The following EZH2 variants were observed in gnomAD, a reference collection of about 807,000 sequenced individuals.
The protein encoded by EZH2 is enhancer of zeste 2 polycomb repressive complex 2 subunit, also known as histone-lysine N-methyltransferase EZH2.
In EZH2, 18 loss-of-function variants were observed where a neutral mutation model predicts 98.4. That is an observed-to-expected ratio of 0.18 (90% CI 0.13 to 0.27). The LOEUF (loss-of-function observed/expected upper bound fraction) is 0.27. Ranked by LOEUF, EZH2 falls within the 10% of genes least tolerant of loss-of-function variation. The pLI is 1.00. For missense variants in EZH2, 470 were observed against 935.1 expected (o/e 0.50, Z 6.49); for synonymous variants, 338 against 312.3 (o/e 1.08, Z -0.87).
intron 1 of EZH2, among the ~76,000 whole-genome samples, chr7:148,862,331 T>G (rs753553912): frequency 6.6e-6 from 1 of 152,226 alleles, no homozygotes; most frequent in African/African-American, 2.4e-5. Flanking sequence ...TTTCCAGAAG[T>G]TGGCATATTT....
At chr7:148,866,689 TATATATACATATATGC>T (rs1563064047) in intron 1 of EZH2, among the ~76,000 whole-genome samples, 1 of 144,138 alleles carries the variant, frequency 6.9e-6, no homozygotes, top group Non-Finnish European at 1.5e-5. Flanking sequence ...TATATGCATA[TATATATACATATATGC>T]ATATATATAT....
intron 1 of EZH2, among the ~76,000 whole-genome samples, chr7:148,851,952 G>T (rs897004420): frequency 3.3e-5 from 5 of 152,226 alleles, no homozygotes; most frequent in Non-Finnish European, 7.3e-5. Context: ...CTACTGAATG[G>T]ACACTGTGTA....
chr7:148,866,545 CAT>C lies in EZH2; in HGVS notation c.-8+17617_-8+17618del, dbSNP rs777063760. ...GTATATACATATATATACGTATATA[CAT>C]ATATATACATATATACATATATATA... is the stretch of plus-strand genomic sequence containing the variant. On this transcript the variant is annotated intron_variant, in intron 1 of 19. Coordinates refer to ENST00000320356, the MANE Select transcript of EZH2 (RefSeq NM_004456.5). Among the ~76,000 whole-genome samples, 7 of 97,788 alleles carry C rather than the reference CAT, an allele frequency of 7.2e-5. No individual in the cohort carries two copies. The East Asian group carries it at 1.4e-3, about 20-fold the overall frequency. The allele number at this position is 97,788 out of a possible 152,430, so 64.2% of individuals were successfully genotyped here.
At chr7:148,874,896 C>CA (rs546277839) in intron 1 of EZH2, among the ~76,000 whole-genome samples, 3,756 of 81,246 alleles carry the variant, frequency 0.046, 140 homozygotes, top group African/African-American at 0.12. Context: ...GACTCCGTCT[C>CA]AAAAAAAAAA....
chr7:148,868,631 A>C (rs980178499), intron 1 of EZH2, among the ~76,000 whole-genome samples: 11 of 152,226 alleles, frequency 7.2e-5, no homozygotes. Flanking sequence ...CATATGGGAA[A>C]AGAAGAAAAT....
intron 1 of EZH2, among the ~76,000 whole-genome samples, chr7:148,879,521 T>C (rs538738281): frequency 1.4e-4 from 21 of 152,002 alleles, no homozygotes; most frequent in African/African-American, 4.8e-4. Flanking sequence ...TGAAATCCCA[T>C]CACTACTAAA....
At position 148,810,721 on chromosome 7, in the gene EZH2, C is replaced by T. The variant is rs182880116; in HGVS notation, c.1948-307G>A. Among the ~76,000 whole-genome samples the T allele has an allele frequency of 1.9e-3, 285 of 152,164 alleles. 1 individual carries two copies. Among genetic ancestry groups the T allele is most frequent in the African/African-American group, 6.5e-3 (270 of 41,510 alleles). Reference sequence around the variant, plus strand: ...CAGTGGCTCACGCCTGTAATCCCAGCACTTTGGGAGGCCGAGGCGGGCAGA... The same window carrying T: ...CAGTGGCTCACGCCTGTAATCCCAGTACTTTGGGAGGCCGAGGCGGGCAGA... On this transcript the variant is annotated intron_variant, in intron 16 of 19. Transcript: ENST00000320356.
Position 148,828,803 on chromosome 7 carries a change from C to G in EZH2, c.562G>C (p.Asp188His). The G allele has an allele frequency of 6.2e-7, 1 of 1,613,890 alleles. No individual in the cohort carries two copies. Among genetic ancestry groups the G allele is most frequent in the Non-Finnish European group, 8.5e-7 (1 of 1,179,960 alleles). Residue 188 changes from aspartate to histidine, a missense_variant, in exon 6 of 20, where the codon GAT becomes CAT. Physicochemically the swap from Asp to His is moderately conservative, Grantham distance 81 (BLOSUM62 -1). This residue lies in a region of EZH2 where 69 missense variants were observed against 78.3 expected (regional missense o/e 0.88). Transcript: ENST00000320356. The stretch of plus-strand genomic sequence containing the variant: ...CTTTCTTCAGGATCGTCTCCATCAT[C>G]ATCATCGTCATCATCATTATATTGA... ...LGQYNDDDDD[D>H]DGDDPEEREE... is the part of the protein sequence containing the mutation.
chr7:148,816,825 G>A (rs1481701765), intron 11 of EZH2, 47 bp from the exon 12 acceptor site: 9 of 1,406,678 alleles, frequency 6.4e-6, no homozygotes, highest in African/African-American at 1.4e-5. Context: ...TCTTATTTAG[G>A]CAAACCATTC....
At chr7:148,810,567 C>T (rs1054510710) in intron 16 of EZH2, among the ~76,000 whole-genome samples, 153 bp from the exon 17 acceptor site, 3 of 152,158 alleles carry the variant, frequency 2.0e-5, no homozygotes, top group African/African-American at 7.2e-5. Context: ...ATTCGGTCTG[C>T]GCAGTAATAA....
At chr7:148,869,401 AG>A (rs1408034305) in intron 1 of EZH2, among the ~76,000 whole-genome samples, 4 of 125,052 alleles carry the variant, frequency 3.2e-5, no homozygotes, top group Non-Finnish European at 4.7e-5. Flanking sequence ...GCTGGAGTGC[AG>A]GGGTGCAAAC....
chr7:148,826,443 T>C lies in EZH2; in HGVS notation c.907+11A>G. Reference sequence around the variant, plus strand: ...ATAATTCCACAACAAAGATAGAAAATGAAAACGTACAATAATTGCACTTAC... The same window carrying C: ...ATAATTCCACAACAAAGATAGAAAACGAAAACGTACAATAATTGCACTTAC... On this transcript the variant is annotated intron_variant, in intron 8 of 19. Transcript: ENST00000320356. 5 of 1,544,336 alleles carry C rather than the reference T, an allele frequency of 3.2e-6. No individual in the cohort carries two copies. The highest frequency in any genetic ancestry group is 4.4e-6 in the Non-Finnish European group (5 of 1,140,226).
chr7:148,817,819 A>G (rs1440633724), intron 10 of EZH2, 58 bp downstream of exon 10: 1 of 1,611,584 alleles, frequency 6.2e-7, no homozygotes, highest in Non-Finnish European at 8.5e-7. Context: ...TACATCCTTA[A>G]TCCTCACAAC....
intron 17 of EZH2, among the ~76,000 whole-genome samples, chr7:148,809,742 TATA>T (rs1475470538): frequency 2.0e-5 from 3 of 152,192 alleles, no homozygotes; most frequent in Admixed American, 1.3e-4. Context: ...TTTTTTTCAT[TATA>T]ATGTCTATAA....
intron 8 of EZH2, among the ~76,000 whole-genome samples, chr7:148,825,229 G>A (rs1286653754): frequency 6.6e-6 from 1 of 152,054 alleles, no homozygotes; most frequent in Admixed American, 6.6e-5. Context: ...GGTGTGTAAA[G>A]GGAAATTAAA....
In EZH2 at chr7:148,832,513, T is replaced by C. The variant is rs558063718; in HGVS notation, c.363+121A>G. 132 of 608,026 alleles carry C rather than the reference T, an allele frequency of 2.2e-4. 3 individuals are homozygous for C. In the South Asian group the frequency reaches 3.4e-3, roughly 16 times the overall value. 37.7% of individuals were successfully genotyped at this position (608,026 alleles called of 1,614,324 possible). A position where few individuals can be genotyped will look rare whatever the true frequency, so the allele number is the denominator to read the frequency against. On this transcript the variant is annotated intron_variant, in intron 4 of 19. Transcript: ENST00000320356. Reference sequence around the variant, plus strand: ...CAATTTTTAAAAATTACTTCAAGTGTTATTTTGATAGCTTTTTAGAATTTA... The same window carrying C: ...CAATTTTTAAAAATTACTTCAAGTGCTATTTTGATAGCTTTTTAGAATTTA...
At chr7:148,859,224 T>C (rs1817303197) in intron 1 of EZH2, among the ~76,000 whole-genome samples, 1 of 152,058 alleles carries the variant, frequency 6.6e-6, no homozygotes, top group Admixed American at 6.6e-5. Context: ...AAAAACAAAG[T>C]GTCAGGTGCA....
In EZH2 at chr7:148,846,552, A is replaced by C; in HGVS notation, c.164T>G (p.Ile55Ser). 1.9e-6 allele frequency: 3 copies of C among 1,613,814 alleles called. No homozygotes were observed. Among genetic ancestry groups the C allele is most frequent in the Non-Finnish European group, 2.5e-6 (3 of 1,179,870 alleles). The change falls in exon 3 of 20, where the codon ATC becomes AGC. Residue 55 changes from isoleucine (I) to serine (S), a missense_variant. Ile to Ser is a moderately radical substitution (Grantham distance 142, BLOSUM62 -2). This residue lies in a region of EZH2 where 79 missense variants were observed against 122.1 expected (regional missense o/e 0.65). Coordinates refer to ENST00000320356, the MANE Select transcript of EZH2 (RefSeq NM_004456.5). ...TCGCTGTTTCCATTCTTGGTTTAAGATTTCCGTTCTTTCCAAAATTTTCTG... is the reference window on the plus strand; with the variant it reads ...TCGCTGTTTCCATTCTTGGTTTAAGCTTTCCGTTCTTTCCAAAATTTTCTG... ...NRQKILERTE[I>S]LNQEWKQRRI... is the part of the protein sequence containing the mutation.
chr7:148,818,142 CA>C (rs1276509118), intron 9 of EZH2, 25 bp from the exon 10 acceptor site: 5 of 1,527,244 alleles, frequency 3.3e-6, no homozygotes, highest in Non-Finnish European at 4.4e-6. Flanking sequence ...ATGTCAACAT[CA>C]GGGCAAAGTT....
Sources: allele counts gnomAD v4.1 joint callset (sites outside exome capture counted in the v4.1 genomes callset), GRCh38; gene constraint gnomAD v4.1.1; regional missense constraint gnomAD v4.1.1; transcripts MANE v1.5; gene names NCBI Gene and HGNC (gene_info 2026-07-23, HGNC 2026-07-21).